ADK: variants seen among roughly 807,000 people sequenced by gnomAD.
ADK encodes the protein adenosine kinase, also known as N6,N6-dimethyladenosine kinase.
In ADK, 24 loss-of-function variants were observed where a neutral mutation model predicts 44.7. The observed-to-expected ratio is 0.54, with a 90% confidence interval of 0.39 to 0.76. The LOEUF is 0.76. ADK is among the 30% of genes least tolerant of loss of function. The probability of loss-of-function intolerance (pLI) is 0.00; values close to 1 mark genes in which losing one functional copy is unlikely to be tolerated. For synonymous variants in ADK, 128 were observed against 142.6 expected, an observed-to-expected ratio of 0.90 and a Z score of 0.73; for missense variants, 321 against 425.1, an observed-to-expected ratio of 0.76 and a Z score of 2.15.
At chr10:74,158,259 G>C (rs1841809076) in intron 1 of ADK, among the ~76,000 whole-genome samples, 1 of 152,176 alleles carries the variant, frequency 6.6e-6, no homozygotes, top group Non-Finnish European at 1.5e-5. Flanking sequence ...GGAGAGACTT[G>C]AAGTACACTG....
chr10:74,462,100 G>A (rs1234897945), intron 6 of ADK, among the ~76,000 whole-genome samples: 1 of 152,060 alleles, frequency 6.6e-6, no homozygotes, highest in Non-Finnish European at 1.5e-5. Flanking sequence ...GGTTTTGAGA[G>A]CAGTCTTTTT....
intron 9 of ADK, among the ~76,000 whole-genome samples, chr10:74,634,226 G>GA (rs1168444723): frequency 1.3e-5 from 2 of 150,514 alleles, no homozygotes; most frequent in Non-Finnish European, 3.0e-5. Context: ...TTTTTTTTGA[G>GA]ACGAGTCTCG....
chr10:74,631,782 G>T (rs1228643904), intron 9 of ADK, among the ~76,000 whole-genome samples: 1 of 152,062 alleles, frequency 6.6e-6, no homozygotes, highest in African/African-American at 2.4e-5. Flanking sequence ...AATTACCATG[G>T]TTCTAAAAGT....
intron 3 of ADK, among the ~76,000 whole-genome samples, chr10:74,228,790 T>A (rs1844643563): frequency 6.6e-6 from 1 of 152,196 alleles, no homozygotes; most frequent in South Asian, 2.1e-4. Context: ...GTAAGGAAAG[T>A]TAAAAGTTGT....
At chr10:74,462,724 A>G (rs1027577813) in intron 6 of ADK, among the ~76,000 whole-genome samples, 1 of 152,218 alleles carries the variant, frequency 6.6e-6, no homozygotes, top group African/African-American at 2.4e-5. Context: ...TTAACTATCT[A>G]GCGTCCAATG....
chr10:74,302,323 T>C (rs1216534951), intron 3 of ADK, among the ~76,000 whole-genome samples: 3 of 151,502 alleles, frequency 2.0e-5, no homozygotes, highest in Non-Finnish European at 4.4e-5. Context: ...GGTTTCACCA[T>C]GTTCCCTGGG....
chr10:74,501,799 G>A (rs980888687), intron 6 of ADK, among the ~76,000 whole-genome samples: 1 of 152,108 alleles, frequency 6.6e-6, no homozygotes, highest in Admixed American at 6.6e-5. Flanking sequence ...TCCATAATAG[G>A]TAAATCCACA....
intron 6 of ADK, among the ~76,000 whole-genome samples, chr10:74,486,535 A>C (rs1026389157): frequency 2.0e-5 from 3 of 152,196 alleles, no homozygotes; most frequent in African/African-American, 7.2e-5. Flanking sequence ...TGTTCCTTTC[A>C]TTAGATGTTT....
At chr10:74,600,569 CTAT>C (rs1482724531) in intron 9 of ADK, 76 bp downstream of exon 9, 2 of 778,424 alleles carry the variant, frequency 2.6e-6, no homozygotes, top group African/African-American at 3.5e-5. Context: ...TGTATTCTTT[CTAT>C]TATAATATAT....
chr10:74,241,435 G>A (rs1429465804), intron 3 of ADK, among the ~76,000 whole-genome samples: 1 of 152,174 alleles, frequency 6.6e-6, no homozygotes, highest in Non-Finnish European at 1.5e-5. Context: ...GCCCAGGCTG[G>A]AGTGCAGTGG....
At chr10:74,605,562 G>GT (rs1852291607) in intron 9 of ADK, among the ~76,000 whole-genome samples, 1 of 152,128 alleles carries the variant, frequency 6.6e-6, no homozygotes, top group Non-Finnish European at 1.5e-5. Context: ...ATTTGCGTAT[G>GT]TTGAACCAGC....
chr10:74,582,166 A>G (rs1162549665), intron 7 of ADK, among the ~76,000 whole-genome samples: 2 of 152,176 alleles, frequency 1.3e-5, no homozygotes, highest in African/African-American at 4.8e-5. Flanking sequence ...CTACAAAAAA[A>G]TACAAAAATT....
At chr10:74,483,648 A>T (rs1847155014) in intron 6 of ADK, among the ~76,000 whole-genome samples, 1 of 152,228 alleles carries the variant, frequency 6.6e-6, no homozygotes, top group African/African-American at 2.4e-5. Flanking sequence ...ATATATGAGC[A>T]TATGCTGTTA....
At chr10:74,655,230 C>T (rs1233854708) in intron 9 of ADK, 7 of 391,034 alleles carry the variant, frequency 1.8e-5, no homozygotes, top group Admixed American at 1.6e-4. Flanking sequence ...GAGACAGGTG[C>T]ATGGACAGGG....
At chr10:74,471,765 T>C (rs11001047) in intron 6 of ADK, among the ~76,000 whole-genome samples, 92,253 of 152,022 alleles carry the variant, frequency 0.61, 30,354 homozygotes, top group Middle Eastern at 0.78. Context: ...TTTAATGCTA[T>C]TATTAATATA....
intron 3 of ADK, among the ~76,000 whole-genome samples, chr10:74,231,716 T>C (rs1844772847): frequency 6.9e-6 from 1 of 144,638 alleles, no homozygotes; most frequent in East Asian, 2.0e-4. Flanking sequence ...TATGTCTGCC[T>C]TGGCCTCCCA....
chr10:74,190,981 CTTT>C (rs61491732), intron 1 of ADK, among the ~76,000 whole-genome samples: 11 of 134,956 alleles, frequency 8.2e-5, no homozygotes, highest in Admixed American at 4.6e-4. Flanking sequence ...CTATTTTTGA[CTTT>C]TTTTTTTTTT....
chr10:74,633,534 CACTCA>C (rs993472732), intron 9 of ADK, among the ~76,000 whole-genome samples: 4 of 151,954 alleles, frequency 2.6e-5, no homozygotes, highest in African/African-American at 9.7e-5. Context: ...AATGGATTAC[CACTCA>C]ACTCAACAAT....
chr10:74,243,244 G>A (rs7084204), intron 3 of ADK, among the ~76,000 whole-genome samples: 2,782 of 152,252 alleles, frequency 0.018, 93 homozygotes, highest in African/African-American at 0.063. Flanking sequence ...GCTTTCTCTC[G>A]CTGGCTCCTG....
Sources: gnomAD v4.1 joint callset for allele counts (sites outside exome capture counted in the v4.1 genomes callset) on GRCh38, gnomAD v4.1.1 for gene constraint, MANE v1.5 for transcripts, NCBI Gene and HGNC (gene_info 2026-07-23, HGNC 2026-07-21) for gene names.